DLGAP2: variants seen among roughly 807,000 people sequenced by gnomAD.
DLGAP2 encodes disks large-associated protein 2.
DLGAP2 carries 26 observed loss-of-function variants against 100.3 expected under a neutral mutation model. The observed-to-expected ratio is 0.26, with a 90% CI of 0.19 to 0.36. The LOEUF (loss-of-function observed/expected upper bound fraction) is 0.36. Among genes scored for constraint, DLGAP2 ranks in the 10% least tolerant of loss-of-function variants. The pLI, the probability that DLGAP2 is intolerant of heterozygous loss-of-function variation, is 1.00. For missense variants in DLGAP2, 1,858 were observed against 1,453.2 expected, an observed-to-expected ratio of 1.28 and a Z score of -4.53; for synonymous variants, 886 against 630.1, an observed-to-expected ratio of 1.41 and a Z score of -6.08.
At chr8:974,453 C>T (rs1280979486) in intron 2 of DLGAP2, among the ~76,000 whole-genome samples, 2 of 152,184 alleles carry the variant, frequency 1.3e-5, no homozygotes, top group Non-Finnish European at 2.9e-5. Context: ...ACACATTCCT[C>T]TCAAGCTTAT....
intron 2 of DLGAP2, among the ~76,000 whole-genome samples, chr8:1,011,111 A>C (rs1212662546): frequency 6.7e-6 from 1 of 149,494 alleles, no homozygotes; most frequent in Non-Finnish European, 1.5e-5. Flanking sequence ...TAGTCTGCAC[A>C]GTGAGCCCGG....
intron 2 of DLGAP2, among the ~76,000 whole-genome samples, chr8:1,114,703 G>C (rs956180147): frequency 7.9e-5 from 12 of 150,964 alleles, no homozygotes; most frequent in African/African-American, 1.5e-4. Flanking sequence ...ATTTTCTTCA[G>C]CTCTGATTTT....
intron 2 of DLGAP2, among the ~76,000 whole-genome samples, chr8:1,153,833 G>T (rs775959549): frequency 6.6e-6 from 1 of 152,082 alleles, no homozygotes; most frequent in Admixed American, 6.5e-5. Flanking sequence ...ACCACCTAAG[G>T]TCTTGATAAA....
In DLGAP2 at chr8:1,597,957, G is replaced by A. The variant is rs540700456; in HGVS notation, c.1443-28783G>A. Among the ~76,000 whole-genome samples, 266 of 152,248 alleles carry A rather than the reference G, an allele frequency of 1.7e-3. 1 individual carries two copies. The highest frequency in any genetic ancestry group is 3.3e-3 in the Non-Finnish European group (225 of 68,020). On this transcript the variant is annotated intron_variant, in intron 6 of 14. Transcript: ENST00000637795. ...TCCCTGTCTTGTGCCAGTTTTCAAA[G>A]GGAATGCTTCCAGTTTTTGCCCATT... is the stretch of plus-strand genomic sequence containing the variant.
chr8:854,602 CATGT>C (rs1797242005), intron 1 of DLGAP2, among the ~76,000 whole-genome samples: 1 of 151,836 alleles, frequency 6.6e-6, no homozygotes, highest in Non-Finnish European at 1.5e-5. Flanking sequence ...TATGTGCATG[CATGT>C]GTGTGCATGT....
chr8:1,519,432 C>T (rs1382252798), intron 4 of DLGAP2, among the ~76,000 whole-genome samples: 1 of 152,198 alleles, frequency 6.6e-6, no homozygotes, highest in African/African-American at 2.4e-5. Context: ...AGGGCCTTTG[C>T]AATTCAAGGT....
chr8:1,253,099 G>C (rs1325403636), intron 2 of DLGAP2, among the ~76,000 whole-genome samples: 1 of 152,182 alleles, frequency 6.6e-6, no homozygotes, highest in South Asian at 2.1e-4. Flanking sequence ...GTCCCCGCGT[G>C]GCTTCCTGTA....
chr8:1,426,876 A>C (rs1048672091), intron 3 of DLGAP2, among the ~76,000 whole-genome samples: 2 of 149,928 alleles, frequency 1.3e-5, no homozygotes, highest in Non-Finnish European at 3.0e-5. Flanking sequence ...CTGAAAGATT[A>C]CTCCAATGCA....
chr8:1,641,687 C>G (rs1187115999), intron 8 of DLGAP2, among the ~76,000 whole-genome samples: 1 of 152,044 alleles, frequency 6.6e-6, no homozygotes, highest in Non-Finnish European at 1.5e-5. Context: ...CATTGTTGTC[C>G]TAAGAGTAAC....
At chr8:1,007,063 G>A (rs1382433923) in intron 2 of DLGAP2, among the ~76,000 whole-genome samples, 1 of 152,058 alleles carries the variant, frequency 6.6e-6, no homozygotes, top group East Asian at 1.9e-4. Context: ...GGGACACCTT[G>A]TGTCTGAAGT....
At chr8:984,035 T>C (rs1800416699) in intron 2 of DLGAP2, among the ~76,000 whole-genome samples, 1 of 152,130 alleles carries the variant, frequency 6.6e-6, no homozygotes, top group Admixed American at 6.5e-5. Flanking sequence ...AAATGGTCCT[T>C]GGGTGTGCGG....
intron 2 of DLGAP2, among the ~76,000 whole-genome samples, chr8:1,103,306 G>T (rs1319757822): frequency 6.6e-6 from 1 of 152,224 alleles, no homozygotes; most frequent in East Asian, 1.9e-4. Flanking sequence ...GGGCTTCTCA[G>T]AGTCGTATGG....
intron 4 of DLGAP2, among the ~76,000 whole-genome samples, chr8:1,528,040 C>A (rs537619746): frequency 6.6e-6 from 1 of 152,312 alleles, no homozygotes; most frequent in South Asian, 2.1e-4. Flanking sequence ...GCTTAAAATA[C>A]AGAAAGCTTT....
chr8:1,283,828 CACTT>C (rs753471994), intron 3 of DLGAP2, among the ~76,000 whole-genome samples: 1 of 152,206 alleles, frequency 6.6e-6, no homozygotes, highest in Non-Finnish European at 1.5e-5. Flanking sequence ...AGCACTACCA[CACTT>C]AAAGTATGAG....
chr8:1,287,633 A>AGTGTGTGT (rs782499346), intron 3 of DLGAP2, among the ~76,000 whole-genome samples: 4 of 69,606 alleles, frequency 5.7e-5, no homozygotes, highest in East Asian at 5.6e-4. Context: ...GTTTCGGTTG[A>AGTGTGTGT]GTGTGTGTGT....
At chr8:1,128,354 C>T (rs1429721259) in intron 2 of DLGAP2, among the ~76,000 whole-genome samples, 1 of 152,006 alleles carries the variant, frequency 6.6e-6, no homozygotes, top group East Asian at 1.9e-4. Context: ...TCCGTGAGGA[C>T]CTGCTCCCGG....
At chr8:1,423,846 T>G (rs1001792173) in intron 3 of DLGAP2, among the ~76,000 whole-genome samples, 1 of 152,192 alleles carries the variant, frequency 6.6e-6, no homozygotes, top group African/African-American at 2.4e-5. Flanking sequence ...CTCTTTCAAA[T>G]GACACTTGCA....
intron 1 of DLGAP2, among the ~76,000 whole-genome samples, chr8:764,437 C>G (rs1351634002): frequency 4.6e-5 from 7 of 152,274 alleles, no homozygotes; most frequent in African/African-American, 1.4e-4. Flanking sequence ...TACTTTGTCA[C>G]TTCGCTGTTT....
intron 2 of DLGAP2, among the ~76,000 whole-genome samples, chr8:929,815 T>C (rs1554447690): frequency 6.6e-6 from 1 of 151,210 alleles, no homozygotes; most frequent in Non-Finnish European, 1.5e-5. Context: ...GTTTCCATGA[T>C]TTATAGTACA....
Sources: gnomAD v4.1 joint callset for allele counts (sites outside exome capture counted in the v4.1 genomes callset) on GRCh38, gnomAD v4.1.1 for gene constraint, MANE v1.5 for transcripts, NCBI Gene and HGNC (gene_info 2026-07-23, HGNC 2026-07-21) for gene names.